DNAH12: variants seen among roughly 807,000 people sequenced by gnomAD.
DNAH12 encodes the protein axonemal beta dynein heavy chain 12.
Under a neutral mutation model 371.5 loss-of-function variants are expected in DNAH12, and 285 were observed. The ratio of observed to expected loss-of-function variants is 0.77; its 90% CI spans 0.70 to 0.85. The LOEUF (loss-of-function observed/expected upper bound fraction) is 0.85, where lower values mean the gene tolerates loss of function less well. Ranked by LOEUF, DNAH12 falls within the 40% of genes least tolerant of loss-of-function variation. DNAH12 has a pLI of 0.00. For missense variants in DNAH12, 3,611 were observed against 3,689.4 expected, an observed-to-expected ratio of 0.98 and a Z score of 0.55; for synonymous variants, 1,200 against 1,213.0, an observed-to-expected ratio of 0.99 and a Z score of 0.22.
chr3:57,509,023 TAGA>T, intron 6 of DNAH12, 114 bp downstream of exon 6: 1 of 873,330 alleles, frequency 1.1e-6, no homozygotes, highest in Admixed American at 2.8e-5. Context: ...ACTTTTTTTT[TAGA>T]TGTGTTCAAA....
chr3:57,507,661 G>A lies in DNAH12; in HGVS notation c.879C>T (p.Ser293=). 1 of 1,604,106 alleles carries A rather than the reference G, an allele frequency of 6.2e-7. No individual in the cohort carries two copies. The highest frequency in any genetic ancestry group is 8.5e-7 in the Non-Finnish European group (1 of 1,178,344). Residue 293 remains serine (S), a synonymous_variant, in exon 8 of 74, where the codon TCC becomes TCT. Transcript: ENST00000495027. The stretch of plus-strand genomic sequence containing the variant: ...TATGTACCTGATTTGACATAAGTGT[G>A]GAAACACAGCTATAAAATGCATCCA... The part of the protein sequence containing the change: ...EKLDAFYSCV[S]TLMSNQLKDL...
intron 2 of DNAH12, among the ~76,000 whole-genome samples, chr3:57,542,463 T>C (rs2069331949): frequency 1.3e-5 from 2 of 152,200 alleles, no homozygotes; most frequent in Non-Finnish European, 2.9e-5. Context: ...GAGCTAACAA[T>C]AGTACCTACC....
At chr3:57,409,721 C>G (rs1471404550) in intron 39 of DNAH12, among the ~76,000 whole-genome samples, 1 of 152,006 alleles carries the variant, frequency 6.6e-6, no homozygotes, top group Non-Finnish European at 1.5e-5. Context: ...TATGACTTAG[C>G]TTTGAAATTC....
At chr3:57,374,519 C>T (rs921879976) in intron 55 of DNAH12, among the ~76,000 whole-genome samples, 1 of 152,016 alleles carries the variant, frequency 6.6e-6, no homozygotes, top group Non-Finnish European at 1.5e-5. Flanking sequence ...AGTTATCAGA[C>T]TAACAATGAT....
chr3:57,520,786 A>T (rs960077929), intron 4 of DNAH12, among the ~76,000 whole-genome samples: 1 of 151,980 alleles, frequency 6.6e-6, no homozygotes, highest in Admixed American at 6.6e-5. Context: ...TGCTGAGTTT[A>T]AAGAGTTATT....
At chr3:57,453,795 G>A (rs574725898) in intron 23 of DNAH12, among the ~76,000 whole-genome samples, 3 of 152,046 alleles carry the variant, frequency 2.0e-5, no homozygotes, top group Non-Finnish European at 2.9e-5. Flanking sequence ...GGCTGGTCTC[G>A]AACCCCGACC....
At chr3:57,541,891 G>T (rs2069300637) in intron 2 of DNAH12, among the ~76,000 whole-genome samples, 1 of 152,038 alleles carries the variant, frequency 6.6e-6, no homozygotes, top group South Asian at 2.1e-4. Context: ...GCAAAAAAAG[G>T]TTTTTAAATA....
At chr3:57,393,302 A>C (rs2063663565) in intron 44 of DNAH12, among the ~76,000 whole-genome samples, 1 of 152,144 alleles carries the variant, frequency 6.6e-6, no homozygotes, top group Admixed American at 6.5e-5. Context: ...TATGGTAATG[A>C]GAAAGTGTGA....
chr3:57,322,300 C>A (rs114679554), intron 65 of DNAH12, 43 bp downstream of exon 65: 40,144 of 1,450,352 alleles, frequency 0.028, 623 homozygotes, highest in Middle Eastern at 0.032. Flanking sequence ...CATATTTGAT[C>A]ACTATAAAAC....
intron 43 of DNAH12, among the ~76,000 whole-genome samples, chr3:57,398,347 A>AG (rs2063787192): frequency 6.6e-6 from 1 of 152,196 alleles, no homozygotes; most frequent in African/African-American, 2.4e-5. Context: ...AATATGAGAG[A>AG]GAGAAAGAGA....
intron 66 of DNAH12, among the ~76,000 whole-genome samples, chr3:57,311,618 G>A (rs574159675): frequency 1.3e-5 from 2 of 152,320 alleles, no homozygotes; most frequent in African/African-American, 4.8e-5. Flanking sequence ...TGTGGTGGGG[G>A]CTGGGGTGTT....
At chr3:57,438,171 C>T (rs1029003863) in intron 29 of DNAH12, among the ~76,000 whole-genome samples, 12 of 151,936 alleles carry the variant, frequency 7.9e-5, no homozygotes, top group South Asian at 2.1e-4. Context: ...ATCAGCCAGG[C>T]GTGGTGGCGG....
intron 29 of DNAH12, among the ~76,000 whole-genome samples, chr3:57,441,637 AAAT>A (rs768634594): frequency 6.6e-6 from 1 of 152,068 alleles, no homozygotes; most frequent in Non-Finnish European, 1.5e-5. Context: ...ATGAAAAATA[AAAT>A]AATTAGTTGG....
At chr3:57,371,941 CAA>C (rs1169602185) in intron 55 of DNAH12, among the ~76,000 whole-genome samples, 3 of 25,862 alleles carry the variant, frequency 1.2e-4, no homozygotes, top group African/African-American at 2.2e-4. Flanking sequence ...CTAAACTCAG[CAA>C]AAAAAAAAAA....
At position 57,468,976 on chromosome 3, in the gene DNAH12, C is replaced by G; in HGVS notation, c.2109G>C (p.Trp703Cys). 6.6e-7 allele frequency: 1 copy of G among 1,509,032 alleles called. No homozygotes were observed. The highest frequency in any genetic ancestry group is 8.8e-7 in the Non-Finnish European group (1 of 1,134,754). 93.5% of individuals were successfully genotyped at this position (1,509,032 alleles called of 1,614,324 possible). The change falls in exon 17 of 74, where the codon TGG becomes TGC. Residue 703 changes from tryptophan (W) to cysteine (C), a missense_variant. Trp to Cys is a radical substitution (Grantham distance 215). Transcript: ENST00000495027. ...TGAGGTCCAAAAACCCTCCATCCAT[C>G]CACCTGAATGGAAAGAAAAAATATT... ...VLKWQRSEKR[W>C]MDGGFLDLNG...
chr3:57,479,031 A>G (rs1314518408), intron 13 of DNAH12, among the ~76,000 whole-genome samples: 1 of 152,172 alleles, frequency 6.6e-6, no homozygotes, highest in African/African-American at 2.4e-5. Flanking sequence ...GAGCAAAATA[A>G]CCAGCTAACA....
chr3:57,347,810 A>G (rs1330460803), intron 60 of DNAH12, among the ~76,000 whole-genome samples: 3 of 152,176 alleles, frequency 2.0e-5, no homozygotes, highest in Non-Finnish European at 2.9e-5. Context: ...AAGATGCTCA[A>G]CATCACATTT....
intron 45 of DNAH12, among the ~76,000 whole-genome samples, chr3:57,391,306 A>T (rs2063617608): frequency 6.6e-6 from 1 of 151,960 alleles, no homozygotes. Context: ...CCCTCCCCCA[A>T]ATTCCTCCTG....
At chr3:57,443,947 T>C (rs1221506082) in intron 29 of DNAH12, among the ~76,000 whole-genome samples, 1 of 152,166 alleles carries the variant, frequency 6.6e-6, no homozygotes, top group Non-Finnish European at 1.5e-5. Flanking sequence ...CTCACACCTG[T>C]GATCCCAGCA....
Sources: gnomAD v4.1 joint callset for allele counts (sites outside exome capture counted in the v4.1 genomes callset) on GRCh38, gnomAD v4.1.1 for gene constraint, MANE v1.5 for transcripts, NCBI Gene and HGNC (gene_info 2026-07-23, HGNC 2026-07-21) for gene names.